Variants in AVEN observed in about 807,000 individuals in gnomAD.
The protein encoded by AVEN is apoptosis and caspase activation inhibitor.
Under a neutral mutation model 38.1 loss-of-function variants are expected in AVEN, and 41 were observed. The ratio of observed to expected loss-of-function variants is 1.08; its 90% CI spans 0.84 to 1.40. The LOEUF (loss-of-function observed/expected upper bound fraction) is 1.40. Ranked by LOEUF, AVEN falls within the 40% of genes most tolerant of loss-of-function variation. The probability of loss-of-function intolerance (pLI) is 0.00; values close to 1 mark genes in which losing one functional copy is unlikely to be tolerated. For synonymous variants in AVEN, 206 were observed against 171.8 expected, an observed-to-expected ratio of 1.20 and a Z score of -1.56; for missense variants, 605 against 438.8, an observed-to-expected ratio of 1.38 and a Z score of -3.38.
intron 2 of AVEN, among the ~76,000 whole-genome samples, chr15:33,902,879 G>A (rs117073064): frequency 0.017 from 2,522 of 152,164 alleles, 25 homozygotes; most frequent in South Asian, 0.049. Flanking sequence ...CATTAATCCT[G>A]TGTGTTTATC....
chr15:33,917,050 G>A lies in AVEN; in HGVS notation c.446-41055C>T, dbSNP rs556353481. ...CCCCATGATTAGATTAGCTCCCACT[G>A]GGTCTCTCCCACAACCCACAACACA... On this transcript the variant is annotated intron_variant, in intron 2 of 5. Transcript: ENST00000306730. Among the ~76,000 whole-genome samples the A allele has an allele frequency of 2.6e-5, 4 of 152,096 alleles. No individual in the cohort carries two copies. In the East Asian group the frequency reaches 5.8e-4, roughly 22 times the overall value.
At chr15:33,892,089 T>C (rs1194371000) in intron 2 of AVEN, among the ~76,000 whole-genome samples, 28 of 152,232 alleles carry the variant, frequency 1.8e-4, no homozygotes, top group Admixed American at 1.8e-3. Context: ...TTTTTTCTTG[T>C]AAATTTGTTT....
chr15:33,998,305 T>C (rs1287004219), intron 2 of AVEN, among the ~76,000 whole-genome samples: 2 of 152,050 alleles, frequency 1.3e-5, no homozygotes, highest in African/African-American at 4.8e-5. Flanking sequence ...CAAGTAAACA[T>C]GTAGTTATTT....
At chr15:34,071,100 A>G (rs1308280141) in intron 1 of AVEN, among the ~76,000 whole-genome samples, 1 of 152,108 alleles carries the variant, frequency 6.6e-6, no homozygotes, top group East Asian at 1.9e-4. Context: ...TGCTCCTGCT[A>G]AGAGTAGTTC....
chr15:33,953,660 A>C (rs1448153894), intron 2 of AVEN, among the ~76,000 whole-genome samples: 1 of 152,238 alleles, frequency 6.6e-6, no homozygotes, highest in Non-Finnish European at 1.5e-5. Flanking sequence ...AAAGACTTAA[A>C]TGTTAGACCT....
intron 5 of AVEN, among the ~76,000 whole-genome samples, chr15:34,046,358 C>G (rs370791254): frequency 8.8e-6 from 1 of 113,362 alleles, no homozygotes; most frequent in Admixed American, 8.8e-5. Context: ...AAAAAAAAAA[C>G]GGGAAAAAGA....
chr15:33,862,711 A>G (rs1464124934), downstream of AVEN, among the ~76,000 whole-genome samples: 2 of 150,726 alleles, frequency 1.3e-5, no homozygotes, highest in African/African-American at 4.9e-5. Context: ...CCTGGATTCA[A>G]GTGATTCTCC....
intron 2 of AVEN, among the ~76,000 whole-genome samples, chr15:33,971,170 C>A (rs1241706653): frequency 6.6e-6 from 1 of 152,030 alleles, no homozygotes; most frequent in Non-Finnish European, 1.5e-5. Flanking sequence ...TTATTTATAA[C>A]AACTTTTCCC....
intron 2 of AVEN, among the ~76,000 whole-genome samples, chr15:33,911,145 C>T (rs1892903136): frequency 1.3e-5 from 2 of 152,226 alleles, no homozygotes; most frequent in Admixed American, 6.5e-5. Context: ...AGACCAACTC[C>T]AGCACCACCA....
chr15:33,963,104 A>G (rs1404244144), intron 2 of AVEN, among the ~76,000 whole-genome samples: 2 of 152,198 alleles, frequency 1.3e-5, no homozygotes, highest in African/African-American at 4.8e-5. Context: ...ATTGTGTAAA[A>G]TGGATGGCAG....
At chr15:34,037,227 T>C (rs866734289) in intron 1 of AVEN, among the ~76,000 whole-genome samples, 1 of 152,136 alleles carries the variant, frequency 6.6e-6, no homozygotes, top group Non-Finnish European at 1.5e-5. Flanking sequence ...AGTAAAGTCC[T>C]GTGCGCCAGA....
intron 2 of AVEN, among the ~76,000 whole-genome samples, chr15:33,998,815 C>A (rs1322852555): frequency 6.6e-6 from 1 of 152,202 alleles, no homozygotes; most frequent in Non-Finnish European, 1.5e-5. Context: ...TTGCTGGTCT[C>A]TTCTCTTTCC....
intron 2 of AVEN, among the ~76,000 whole-genome samples, chr15:33,891,772 ATT>A (rs1891981696): frequency 6.6e-6 from 1 of 152,172 alleles, no homozygotes; most frequent in Non-Finnish European, 1.5e-5. Flanking sequence ...GTCAAATGGT[ATT>A]TCTAGTTCTA....
the AVEN span, chr15:33,853,006 T>G: frequency 6.4e-7 from 1 of 1,569,404 alleles, no homozygotes; most frequent in Non-Finnish European, 8.7e-7. Flanking sequence ...TCCTTGATGT[T>G]AAGAATGAAG....
intron 4 of AVEN, among the ~76,000 whole-genome samples, chr15:33,870,446 G>A (rs1222438557): frequency 6.6e-6 from 1 of 152,096 alleles, no homozygotes; most frequent in African/African-American, 2.4e-5. Context: ...ATCTATCACT[G>A]CTTCAGAAAG....
chr15:34,014,391 CAA>C (rs1332707712), intron 1 of AVEN, among the ~76,000 whole-genome samples: 1 of 30,922 alleles, frequency 3.2e-5, no homozygotes, highest in African/African-American at 6.0e-5. Context: ...AAAACAAAAA[CAA>C]AAACCACGTT....
At chr15:33,998,510 C>T (rs1457312574) in intron 2 of AVEN, among the ~76,000 whole-genome samples, 5 of 152,108 alleles carry the variant, frequency 3.3e-5, no homozygotes, top group African/African-American at 1.2e-4. Flanking sequence ...CTCACTTCTC[C>T]CACCAGCCCA....
intron 1 of AVEN, among the ~76,000 whole-genome samples, chr15:34,003,580 A>T (rs1295550445): frequency 6.6e-6 from 1 of 152,228 alleles, no homozygotes; most frequent in African/African-American, 2.4e-5. Context: ...CAATTTATGG[A>T]TATGGATTTT....
At chr15:34,047,062 T>G (rs1248753942) in intron 5 of AVEN, among the ~76,000 whole-genome samples, 1 of 136,810 alleles carries the variant, frequency 7.3e-6, no homozygotes, top group Non-Finnish European at 1.6e-5. Context: ...TTTGTTTTGG[T>G]TTTTTTGTTG....
Sources: allele counts gnomAD v4.1 joint callset (sites outside exome capture counted in the v4.1 genomes callset), GRCh38; gene constraint gnomAD v4.1.1; transcripts MANE v1.5; gene names NCBI Gene and HGNC (gene_info 2026-07-23, HGNC 2026-07-21).